Variants in ANAPC5 observed in about 807,000 individuals in gnomAD.
ANAPC5 encodes the protein anaphase promoting complex subunit 5.
Under a neutral mutation model 91.3 loss-of-function variants are expected in ANAPC5, and 60 were observed. That is an observed-to-expected ratio of 0.66 (90% CI 0.53 to 0.81). The LOEUF (loss-of-function observed/expected upper bound fraction) is 0.81. Among genes scored for constraint, ANAPC5 ranks in the 40% least tolerant of loss-of-function variants. The pLI, the probability that ANAPC5 is intolerant of heterozygous loss-of-function variation, is 0.00. For synonymous variants in ANAPC5, 340 were observed against 364.1 expected, an observed-to-expected ratio of 0.93 and a Z score of 0.75; for missense variants, 690 against 931.5, an observed-to-expected ratio of 0.74 and a Z score of 3.37.
intron 10 of ANAPC5, 149 bp from the exon 11 acceptor site, chr12:121,327,380 A>C (rs1473586464): frequency 1.2e-5 from 11 of 908,174 alleles, no homozygotes; most frequent in Non-Finnish European, 1.8e-5. Flanking sequence ...CAGTGCCAGC[A>C]ACCTTGCCCT....
intron 15 of ANAPC5, among the ~76,000 whole-genome samples, chr12:121,313,335 A>G (rs1006494323): frequency 3.3e-5 from 5 of 152,200 alleles, no homozygotes; most frequent in Admixed American, 2.0e-4. Context: ...TCAAAAAAAA[A>G]GAAAGAAACT....
rs782171182 is a variant in ANAPC5 at position 121,352,280 on chromosome 12, C to A, written c.61G>T (p.Ala21Ser). The A allele has an allele frequency of 6.2e-7, 1 of 1,614,088 alleles. No individual in the cohort carries two copies. Among genetic ancestry groups the A allele is most frequent in the South Asian group, 1.1e-5 (1 of 91,080 alleles). ...CAGTCCTTGATGCCGAACACATTGG[C>A]GTGCACAACCCCATTGGTCATCATG... is the stretch of plus-strand genomic sequence containing the variant. ...NPMMTNGVVH[A>S]NVFGIKDWVT... is the part of the protein sequence containing the mutation. Residue 21 changes from alanine to serine, a missense_variant, in exon 1 of 17, where the codon GCC becomes TCC. By Grantham distance (99) the Ala-to-Ser change is moderately conservative. Coordinates refer to ENST00000261819, the MANE Select transcript of ANAPC5 (RefSeq NM_016237.5).
intron 4 of ANAPC5, among the ~76,000 whole-genome samples, chr12:121,343,456 G>A (rs755152936): frequency 2.0e-5 from 3 of 152,226 alleles, no homozygotes; most frequent in Middle Eastern, 3.2e-3. Context: ...TCAAAGCACA[G>A]AAAGGGTGAA....
chr12:121,337,926 T>C (rs1903309015), intron 5 of ANAPC5, among the ~76,000 whole-genome samples: 1 of 152,208 alleles, frequency 6.6e-6, no homozygotes, highest in African/African-American at 2.4e-5. Context: ...GCCAGGTGGC[T>C]TGCCCCAGCT....
chr12:121,324,073 C>T (rs1478596961), intron 11 of ANAPC5, among the ~76,000 whole-genome samples: 1 of 152,086 alleles, frequency 6.6e-6, no homozygotes. Context: ...ATGGGCTTAC[C>T]GAAACCCCAA....
In ANAPC5 at chr12:121,315,429, A is replaced by C. The variant is rs544747623; in HGVS notation, c.1893+2848T>G. ...ACAACTACTGTTTTTGCAGAAATGA[A>C]CAAGCTAATTCTAAAATCAACATAT... On this transcript the variant is annotated intron_variant, in intron 15 of 16. Coordinates refer to ENST00000261819, the MANE Select transcript of ANAPC5 (RefSeq NM_016237.5). Among the ~76,000 whole-genome samples the C allele has an allele frequency of 2.6e-5, 4 of 152,334 alleles. No homozygotes were observed. The South Asian group carries it at 8.3e-4, about 32-fold the overall frequency.
intron 15 of ANAPC5, among the ~76,000 whole-genome samples, chr12:121,310,912 TGACAGAGTGA>T (rs1299492526): frequency 8.3e-6 from 1 of 120,990 alleles, no homozygotes; most frequent in Non-Finnish European, 1.6e-5. Context: ...CCAGCCTGGG[TGACAGAGTGA>T]GACTCCATCT....
chr12:121,329,853 G>A (rs1428463703), intron 9 of ANAPC5, among the ~76,000 whole-genome samples: 2 of 151,944 alleles, frequency 1.3e-5, no homozygotes, highest in Non-Finnish European at 2.9e-5. Context: ...GACCTCAGGT[G>A]ATCCACCCAC....
In ANAPC5 at chr12:121,335,644, C is replaced by T. The variant is rs138103467; in HGVS notation, c.839G>A (p.Arg280His). Residue 280 changes from arginine (R) to histidine (H), a missense_variant, in exon 7 of 17, where the codon CGT (arginine) becomes CAT (histidine). Physicochemically the swap from Arg to His is conservative, Grantham distance 29. This residue lies in a region of ANAPC5 where 83 missense variants were observed against 150.8 expected (regional missense o/e 0.55). Transcript: ENST00000261819. ...STHSLLHYFD[R>H]LILTGAESKS... Reference sequence around the variant, plus strand: ...GCTTTCGGCTCCGGTAAGAATCAGACGATCAAAATAATGGAGGAGACTGTG... The same window carrying T: ...GCTTTCGGCTCCGGTAAGAATCAGATGATCAAAATAATGGAGGAGACTGTG... 2.5e-6 allele frequency: 4 copies of T among 1,614,002 alleles called. No individual in the cohort carries two copies. Among genetic ancestry groups the T allele is most frequent in the East Asian group, 2.2e-5 (1 of 44,880 alleles).
rs1566201883 is a variant in ANAPC5 at position 121,352,349 on chromosome 12, GAGACTA to G, written c.-15_-10del. The G allele has an allele frequency of 1.9e-6, 3 of 1,591,158 alleles. No individual in the cohort carries two copies. The African/African-American group carries it at 4.1e-5, about 22-fold the overall frequency. On this transcript the variant is annotated 5_prime_UTR_variant, in exon 1 of 17. Transcript: ENST00000261819. ...TCGTGGACGCTGGCCATGGCGGCCC[GAGACTA>G]AGTCTCGGGCCCGCGGCGCGCTGCC... is the stretch of plus-strand genomic sequence containing the variant.
intron 11 of ANAPC5, among the ~76,000 whole-genome samples, chr12:121,323,646 C>G (rs1220810193): frequency 2.0e-5 from 3 of 152,164 alleles, no homozygotes; most frequent in South Asian, 4.1e-4. Context: ...GGAGGTTTAT[C>G]TTATTGATCC....
At chr12:121,311,677 T>C (rs987648304) in intron 15 of ANAPC5, among the ~76,000 whole-genome samples, 1 of 151,788 alleles carries the variant, frequency 6.6e-6, no homozygotes, top group African/African-American at 2.4e-5. Context: ...TACAAAAATA[T>C]AAAAAATTAG....
chr12:121,309,899 A>C, intron 15 of ANAPC5, 36 bp from the exon 16 acceptor site: 1 of 1,544,792 alleles, frequency 6.5e-7, no homozygotes, highest in Non-Finnish European at 8.8e-7. Context: ...TACATACCCA[A>C]ACCCACTGCC....
intron 11 of ANAPC5, 96 bp from the exon 12 acceptor site, chr12:121,320,555 T>C: frequency 1.0e-6 from 1 of 989,626 alleles, no homozygotes; most frequent in South Asian, 1.7e-5. Context: ...CTGTTCCCGT[T>C]CTTGATGCAG....
intron 15 of ANAPC5, 149 bp downstream of exon 15, chr12:121,318,128 C>CT (rs1243307718): frequency 1.0e-6 from 1 of 981,366 alleles, no homozygotes; most frequent in African/African-American, 1.7e-5. Context: ...CACAGGCCTC[C>CT]TTGGAGGGCT....
intron 13 of ANAPC5, among the ~76,000 whole-genome samples, chr12:121,319,034 T>G (rs905775645): frequency 1.3e-5 from 2 of 151,296 alleles, no homozygotes; most frequent in African/African-American, 4.9e-5. Context: ...AAAAAAAATG[T>G]TTTTGTTGTT....
At chr12:121,351,503 G>A (rs1489133938) in intron 1 of ANAPC5, among the ~76,000 whole-genome samples, 1 of 150,818 alleles carries the variant, frequency 6.6e-6, no homozygotes, top group African/African-American at 2.4e-5. Context: ...TGTCGCCCAA[G>A]CTGGAGTGCA....
intron 11 of ANAPC5, among the ~76,000 whole-genome samples, chr12:121,322,914 A>T (rs1002957925): frequency 6.0e-4 from 92 of 152,076 alleles, no homozygotes; most frequent in African/African-American, 2.0e-3. Context: ...AATCCCAGCT[A>T]CTCAGGAGGC....
At chr12:121,316,991 A>G (rs1357644639) in intron 15 of ANAPC5, among the ~76,000 whole-genome samples, 1 of 152,194 alleles carries the variant, frequency 6.6e-6, no homozygotes, top group Admixed American at 6.6e-5. Flanking sequence ...CAATCAAAAA[A>G]GGCCACATTT....
Sources: gnomAD v4.1 joint callset for allele counts (sites outside exome capture counted in the v4.1 genomes callset) on GRCh38, gnomAD v4.1.1 for gene constraint, gnomAD v4.1.1 regional missense constraint, MANE v1.5 for transcripts, NCBI Gene and HGNC (gene_info 2026-07-23, HGNC 2026-07-21) for gene names.